ZNF345: variants seen among roughly 807,000 people sequenced by gnomAD.
ZNF345 encodes zinc finger protein 345, also known as zinc finger protein HZF10.
For missense variants in ZNF345, 527 were observed against 589.9 expected, an observed-to-expected ratio of 0.89 and a Z score of 1.10; for synonymous variants, 166 against 187.9, an observed-to-expected ratio of 0.88 and a Z score of 0.95.
intron 2 of ZNF345, among the ~76,000 whole-genome samples, chr19:36,852,128 C>CTTTTTTTTTTT (rs35747733): frequency 1.3e-4 from 13 of 102,702 alleles, no homozygotes; most frequent in African/African-American, 2.8e-4. Flanking sequence ...TTCTTTCTTT[C>CTTTTTTTTTTT]TTTTTTTTTT....
Position 36,878,325 on chromosome 19 carries a change from A to G in ZNF345, c.*28A>G. On this transcript the variant is annotated 3_prime_UTR_variant, in exon 3 of 3. Transcript: ENST00000420450. The stretch of plus-strand genomic sequence containing the variant: ...TTATGTGCTGAAGGAAGGACTCTAA[A>G]CATATGACTTAAGAAAATTCATAGT... 1 of 1,522,682 alleles carries G rather than the reference A, an allele frequency of 6.6e-7. No homozygotes were observed. The highest frequency in any genetic ancestry group is 2.3e-5 in the East Asian group (1 of 44,176). 94.3% of individuals were successfully genotyped at this position (1,522,682 alleles called of 1,614,324 possible). A position where few individuals can be genotyped will look rare whatever the true frequency, so the allele number is the denominator to read the frequency against.
At chr19:36,859,970 GT>G (rs985915163) in intron 2 of ZNF345, among the ~76,000 whole-genome samples, 1 of 151,414 alleles carries the variant, frequency 6.6e-6, no homozygotes, top group Non-Finnish European at 1.5e-5. Context: ...TTGTTTGTTT[GT>G]TTTTTTGAGA....
chr19:36,887,209 A>C (rs866744762), intron 3 of ZNF345, among the ~76,000 whole-genome samples: 34 of 152,126 alleles, frequency 2.2e-4, no homozygotes, highest in Non-Finnish European at 4.4e-4. Context: ...ACAACAACAA[A>C]AAAAACAAGG....
At chr19:36,865,865 T>C (rs2072649148) in intron 2 of ZNF345, among the ~76,000 whole-genome samples, 1 of 152,198 alleles carries the variant, frequency 6.6e-6, no homozygotes, top group African/African-American at 2.4e-5. Flanking sequence ...TCAAGTTTTG[T>C]GTTTCTTCTT....
intron 3 of ZNF345, among the ~76,000 whole-genome samples, chr19:36,887,810 A>T (rs1568364726): frequency 2.0e-5 from 3 of 152,108 alleles, no homozygotes; most frequent in African/African-American, 7.2e-5. Context: ...GGTCTCCTGA[A>T]CTCTAGAGCC....
intron 3 of ZNF345, among the ~76,000 whole-genome samples, chr19:36,886,338 C>CA (rs2146215587): frequency 6.6e-6 from 1 of 152,242 alleles, no homozygotes; most frequent in East Asian, 1.9e-4. Flanking sequence ...AGAAACTTGA[C>CA]AAACACTCCC....
chr19:36,851,664 T>C (rs1181771327), intron 1 of ZNF345, 166 bp from the exon 2 acceptor site: 1 of 152,320 alleles, frequency 6.6e-6, no homozygotes, highest in East Asian at 1.9e-4. Context: ...GCATTGACCC[T>C]ACCGTTGTCT....
chr19:36,892,952 G>A (rs987540839), exon 4 of ZNF345: 15 of 598,948 alleles, frequency 2.5e-5, no homozygotes, highest in African/African-American at 3.8e-5. Flanking sequence ...CAGGCCAGCA[G>A]GATGCCGCTT....
chr19:36,867,483 C>G (rs555613692), intron 2 of ZNF345, among the ~76,000 whole-genome samples: 28 of 152,304 alleles, frequency 1.8e-4, no homozygotes, highest in Non-Finnish European at 3.2e-4. Context: ...TAGAAATACC[C>G]TGTACCCAAT....
At chr19:36,875,073 G>A (rs953357449) in intron 2 of ZNF345, among the ~76,000 whole-genome samples, 1 of 152,002 alleles carries the variant, frequency 6.6e-6, no homozygotes, top group South Asian at 2.1e-4. Context: ...GCATGTACCA[G>A]AGTTCAAGTT....
intron 2 of ZNF345, among the ~76,000 whole-genome samples, chr19:36,864,921 C>T (rs1392884935): frequency 1.3e-5 from 2 of 152,152 alleles, no homozygotes; most frequent in Non-Finnish European, 2.9e-5. Flanking sequence ...GAAATCTGTG[C>T]TCTAGAATTT....
rs1229833723 is a variant in ZNF345 at position 36,850,968 on chromosome 19, C to G, written c.-122C>G. The G allele has an allele frequency of 6.5e-6, 1 of 152,892 alleles. No homozygotes were observed. Among genetic ancestry groups the G allele is most frequent in the East Asian group, 1.9e-4 (1 of 5,208 alleles). 9.5% of individuals were successfully genotyped at this position (152,892 alleles called of 1,614,324 possible). On this transcript the variant is annotated splice_region_variant and 5_prime_UTR_variant, in exon 1 of 3. Coordinates refer to ENST00000420450, the MANE Select transcript of ZNF345 (RefSeq NM_001242472.2). Reference sequence around the variant, plus strand: ...ACGGAGCTGACCCTATCCGAACAGGCGTAAGTGAGGCGGCTCGGAGCCTGG... The same window carrying G: ...ACGGAGCTGACCCTATCCGAACAGGGGTAAGTGAGGCGGCTCGGAGCCTGG...
chr19:36,889,394 A>G (rs2073029126), intron 3 of ZNF345: 1 of 152,172 alleles, frequency 6.6e-6, no homozygotes, highest in Non-Finnish European at 1.5e-5. Flanking sequence ...CATGTCTAGT[A>G]GAATTCAGCT....
intron 2 of ZNF345, among the ~76,000 whole-genome samples, chr19:36,854,935 G>A (rs1391797503): frequency 6.7e-6 from 1 of 150,058 alleles, no homozygotes; most frequent in East Asian, 2.0e-4. Context: ...GTCACTGTAA[G>A]CTCCACCTCC....
chr19:36,873,955 A>T (rs1263784161), intron 2 of ZNF345, among the ~76,000 whole-genome samples: 1 of 152,088 alleles, frequency 6.6e-6, no homozygotes, highest in Middle Eastern at 3.2e-3. Flanking sequence ...ACATATCTTC[A>T]TGAGGTAGTG....
chr19:36,852,876 T>A (rs1205526823), intron 2 of ZNF345, among the ~76,000 whole-genome samples: 1 of 151,578 alleles, frequency 6.6e-6, no homozygotes, highest in African/African-American at 2.4e-5. Flanking sequence ...TTGTTTTTTT[T>A]GTTTTTTTTT....
At chr19:36,852,877 G>GTT (rs974865014) in intron 2 of ZNF345, among the ~76,000 whole-genome samples, 44 of 137,606 alleles carry the variant, frequency 3.2e-4, no homozygotes, top group Admixed American at 1.6e-3. Flanking sequence ...TGTTTTTTTT[G>GTT]TTTTTTTTTT....
In ZNF345 at chr19:36,860,247, G is replaced by A. The variant is rs533686386; in HGVS notation, c.-47+8343G>A. ...GCTGGGATTACAGGCATGAGCCACC[G>A]CGTCCAGCTAAGTTGCAGATATTTT... is the stretch of plus-strand genomic sequence containing the variant. On this transcript the variant is annotated intron_variant, in intron 2 of 2. Transcript: ENST00000420450. Among the ~76,000 whole-genome samples, 9 of 152,200 alleles carry A rather than the reference G, an allele frequency of 5.9e-5. No homozygotes were observed. The East Asian group carries it at 7.7e-4, about 13-fold the overall frequency.
intron 2 of ZNF345, among the ~76,000 whole-genome samples, chr19:36,867,998 G>A (rs995055454): frequency 1.4e-5 from 2 of 145,378 alleles, no homozygotes; most frequent in African/African-American, 2.6e-5. Context: ...GATATGAGGA[G>A]TGGCTTTTTT....
Sources: allele counts gnomAD v4.1 joint callset (sites outside exome capture counted in the v4.1 genomes callset), GRCh38; gene constraint gnomAD v4.1.1; transcripts MANE v1.5; gene names NCBI Gene and HGNC (gene_info 2026-07-23, HGNC 2026-07-21).